POGLUT3: variants seen among roughly 807,000 people sequenced by gnomAD.
POGLUT3 encodes KDEL (Lys-Asp-Glu-Leu) containing 2.
In POGLUT3, 48 loss-of-function variants were observed where a neutral mutation model predicts 54.3. The observed-to-expected ratio is 0.88, with a 90% CI of 0.70 to 1.12. The LOEUF (loss-of-function observed/expected upper bound fraction) is 1.12, where lower values mean the gene tolerates loss of function less well. Among genes scored for constraint, POGLUT3 ranks in the 50% most tolerant of loss-of-function variants. The pLI, the probability that POGLUT3 is intolerant of heterozygous loss-of-function variation, is 0.00. For missense variants in POGLUT3, 629 were observed against 618.7 expected (o/e 1.02, Z -0.18); for synonymous variants, 218 against 237.4 (o/e 0.92, Z 0.75).
intron 2 of POGLUT3, among the ~76,000 whole-genome samples, chr11:108,490,625 A>C (rs1042475955): frequency 6.6e-6 from 1 of 152,126 alleles, no homozygotes; most frequent in African/African-American, 2.4e-5. Context: ...AGACATTCAA[A>C]AGCTGGAAGA....
intron 2 of POGLUT3, 78 bp downstream of exon 2, chr11:108,490,892 G>A: frequency 9.9e-7 from 1 of 1,008,992 alleles, no homozygotes; most frequent in Admixed American, 1.9e-5. Context: ...TGACTTTGAG[G>A]TCATCAGGTT....
chr11:108,481,887 G>T, intron 4 of POGLUT3, 119 bp downstream of exon 4: 2 of 723,282 alleles, frequency 2.8e-6, no homozygotes, highest in Non-Finnish European at 4.5e-6. Flanking sequence ...TCCCTAGGTT[G>T]GTCAGAATTT....
At chr11:108,498,041 A>G in intron 1 of POGLUT3, 124 bp downstream of exon 1, 1 of 806,634 alleles carries the variant, frequency 1.2e-6, no homozygotes, top group Non-Finnish European at 1.8e-6. Flanking sequence ...GGAGCTGACC[A>G]GACCCAAAAA....
Position 108,491,059 on chromosome 11 carries a change from T to C in POGLUT3, c.311A>G (p.Tyr104Cys). 1 of 1,614,036 alleles carries C rather than the reference T, an allele frequency of 6.2e-7. No individual in the cohort carries two copies. Among genetic ancestry groups the C allele is most frequent in the Middle Eastern group, 1.6e-4 (1 of 6,062 alleles). Reference protein sequence around the residue: ...DRNDGTFLMRYRMYETVDEGL... With the variant: ...DRNDGTFLMRCRMYETVDEGL... ...TTCATCGACAGTTTCATACATCCTA[T>C]ATCTCATCAAAAATGTTCCATCATT... The change falls in exon 2 of 8, where the codon TAT becomes TGT. Residue 104 changes from tyrosine (Y) to cysteine (C), a missense_variant. Coordinates refer to ENST00000323468, the MANE Select transcript of POGLUT3 (RefSeq NM_153705.5).
In POGLUT3 at chr11:108,486,467, C is replaced by A; in HGVS notation, c.401-27G>T. 1.9e-6 allele frequency: 3 copies of A among 1,607,330 alleles called. No homozygotes were observed. In the East Asian group the frequency reaches 6.7e-5, roughly 36 times the overall value. On this transcript the variant is annotated intron_variant, in intron 2 of 7. Coordinates refer to ENST00000323468, the MANE Select transcript of POGLUT3 (RefSeq NM_153705.5). ...TAGGGAAGGAAAACATGAAAAAGGCCGCACTCCATTAGCAAGCACCACAAC... is the reference window on the plus strand; with the variant it reads ...TAGGGAAGGAAAACATGAAAAAGGCAGCACTCCATTAGCAAGCACCACAAC...
chr11:108,486,478 A>G, intron 2 of POGLUT3, 38 bp from the exon 3 acceptor site: 1 of 1,596,834 alleles, frequency 6.3e-7, no homozygotes, highest in South Asian at 1.1e-5. Context: ...GCACTCCATT[A>G]GCAAGCACCA....
At chr11:108,492,735 T>G (rs927851704) in intron 1 of POGLUT3, among the ~76,000 whole-genome samples, 1 of 152,156 alleles carries the variant, frequency 6.6e-6, no homozygotes, top group Non-Finnish European at 1.5e-5. Flanking sequence ...ACAAGTATGA[T>G]AAAATTACGA....
chr11:108,497,781 C>G (rs1445037834), intron 1 of POGLUT3, among the ~76,000 whole-genome samples: 2 of 152,236 alleles, frequency 1.3e-5, no homozygotes, highest in Non-Finnish European at 2.9e-5. Flanking sequence ...CCGACGCGAT[C>G]CGTCGGCTTG....
intron 1 of POGLUT3, among the ~76,000 whole-genome samples, chr11:108,492,163 G>A (rs2093614560): frequency 6.6e-6 from 1 of 152,082 alleles, no homozygotes; most frequent in Non-Finnish European, 1.5e-5. Flanking sequence ...TCCTCAGCTT[G>A]AAATGAAACA....
chr11:108,497,629 T>A (rs917905197), intron 1 of POGLUT3, among the ~76,000 whole-genome samples: 1 of 152,202 alleles, frequency 6.6e-6, no homozygotes, highest in African/African-American at 2.4e-5. Flanking sequence ...TTTCCCTAGT[T>A]CCTGTAATCT....
At chr11:108,494,632 C>T (rs1352758895) in intron 1 of POGLUT3, among the ~76,000 whole-genome samples, 1 of 152,186 alleles carries the variant, frequency 6.6e-6, no homozygotes, top group Non-Finnish European at 1.5e-5. Context: ...TCCTACCTTA[C>T]AAGACTATTT....
intron 7 of POGLUT3, 84 bp from the exon 8 acceptor site, chr11:108,475,036 C>G (rs779058372): frequency 7.0e-7 from 1 of 1,425,568 alleles, no homozygotes; most frequent in Non-Finnish European, 9.7e-7. Context: ...TCCGCAGTCA[C>G]GCCATCTTTT....
At chr11:108,491,507 A>T (rs2093613333) in intron 1 of POGLUT3, 4 of 353,312 alleles carry the variant, frequency 1.1e-5, no homozygotes, top group Non-Finnish European at 1.5e-5. Context: ...GGACTATAGG[A>T]GTGTGCCACC....
rs377462176 is a variant in POGLUT3, at chr11:108,493,872, G to C, written c.203-2705C>G. 8.8e-5 allele frequency among the ~76,000 whole-genome samples: 13 copies of C among 147,562 alleles called. No individual in the cohort carries two copies. The East Asian group carries it at 1.2e-3, about 14-fold the overall frequency. ...TTCTACTCAATAAATTCAAACTTAA[G>C]AAAAATAGCTAACTGGATGAGAATG... On this transcript the variant is annotated intron_variant, in intron 1 of 7. Transcript: ENST00000323468.
chr11:108,478,312 G>C (rs1359570797), intron 6 of POGLUT3, among the ~76,000 whole-genome samples: 1 of 152,060 alleles, frequency 6.6e-6, no homozygotes, highest in African/African-American at 2.4e-5. Context: ...TCTCCCCACA[G>C]TGCAACAACC....
At position 108,482,027 on chromosome 11, in the gene POGLUT3, G is replaced by A. The variant is rs75859794; in HGVS notation, c.880C>T (p.Leu294Phe). The change falls in exon 4 of 8, where the codon CTC (leucine) becomes TTC (phenylalanine). Residue 294 changes from leucine (L) to phenylalanine (F), a missense_variant. By Grantham distance (22) the Leu-to-Phe change is conservative. Coordinates refer to ENST00000323468, the MANE Select transcript of POGLUT3 (RefSeq NM_153705.5). ...EAMRGVTNDL[L>F]SIQGNTGPSW... ...ATACCTGTATTTCCCTGAATAGAGAGGAGATCATTTGTAACACCCCGCATG... is the reference window on the plus strand; with the variant it reads ...ATACCTGTATTTCCCTGAATAGAGAAGAGATCATTTGTAACACCCCGCATG... 4.9e-5 allele frequency: 79 copies of A among 1,613,672 alleles called. No individual in the cohort carries two copies. The East Asian group carries it at 1.7e-3, about 35-fold the overall frequency.
chr11:108,478,922 T>C (rs1333621761), intron 6 of POGLUT3, among the ~76,000 whole-genome samples: 2 of 152,272 alleles, frequency 1.3e-5, no homozygotes, highest in African/African-American at 4.8e-5. Flanking sequence ...TTGTGCCTTT[T>C]TTCTAACTGG....
chr11:108,486,301 T>C lies in POGLUT3; in HGVS notation c.540A>G (p.Lys180=). ...CATCCCCAAACCTTTTGGGGACTTC[T>C]TTTAGCATTTGCTGGAGATTGATGC... ...FPSINLQQML[K]EVPKRFGDER... is the part of the protein sequence containing the mutation. The change falls in exon 3 of 8, where the codon AAA becomes AAG. Residue 180 remains lysine, a synonymous_variant. Coordinates refer to ENST00000323468, the MANE Select transcript of POGLUT3 (RefSeq NM_153705.5). 2 of 1,614,154 alleles carry C rather than the reference T, an allele frequency of 1.2e-6. No individual in the cohort carries two copies. Among genetic ancestry groups the C allele is most frequent in the Non-Finnish European group, 1.7e-6 (2 of 1,180,016 alleles).
chr11:108,479,232 G>T, intron 6 of POGLUT3, 69 bp downstream of exon 6: 1 of 1,012,676 alleles, frequency 9.9e-7, no homozygotes, highest in Non-Finnish European at 1.4e-6. Context: ...AAATTGTATT[G>T]TGATGGAACT....
Sources: gnomAD v4.1 joint callset for allele counts (sites outside exome capture counted in the v4.1 genomes callset) on GRCh38, gnomAD v4.1.1 for gene constraint, MANE v1.5 for transcripts, NCBI Gene and HGNC (gene_info 2026-07-23, HGNC 2026-07-21) for gene names.